The following ARHGAP35 variants were observed in gnomAD, a reference collection of about 807,000 sequenced individuals.
ARHGAP35 encodes Rho GTPase activating protein 35, also known as rho GTPase-activating protein 35.
Under a neutral mutation model 111.1 loss-of-function variants are expected in ARHGAP35, and 15 were observed. The observed-to-expected ratio is 0.13, with a 90% CI of 0.09 to 0.21. The LOEUF (loss-of-function observed/expected upper bound fraction) is 0.21. Ranked by LOEUF, ARHGAP35 falls within the 10% of genes least tolerant of loss-of-function variation. The pLI, the probability that ARHGAP35 is intolerant of heterozygous loss-of-function variation, is 1.00. For missense variants in ARHGAP35, 1,262 were observed against 1,873.0 expected, an observed-to-expected ratio of 0.67 and a Z score of 6.02; for synonymous variants, 643 against 710.3, an observed-to-expected ratio of 0.91 and a Z score of 1.51.
chr19:46,869,232 G>A (rs2055874750), intron 1 of ARHGAP35, among the ~76,000 whole-genome samples: 1 of 151,726 alleles, frequency 6.6e-6, no homozygotes, highest in South Asian at 2.1e-4. Context: ...GTAACTTTTT[G>A]CATTTTAAAA....
Position 46,909,308 on chromosome 19 carries a change from C to G in ARHGAP35, c.-188-9180C>G, listed in dbSNP as rs377191599. ...ACAGACTAAGACCATATTTAAAAAA[C>G]AAAAACAAAAAAACTTTAGGCCAGA... is the stretch of plus-strand genomic sequence containing the variant. On this transcript the variant is annotated intron_variant, in intron 1 of 6. Coordinates refer to ENST00000672722, the MANE Select transcript of ARHGAP35 (RefSeq NM_004491.5). Among the ~76,000 whole-genome samples the G allele has an allele frequency of 7.2e-5, 11 of 152,008 alleles. No individual in the cohort carries two copies. The South Asian group carries it at 2.3e-3, about 32-fold the overall frequency.
intron 1 of ARHGAP35, among the ~76,000 whole-genome samples, chr19:46,906,619 A>G (rs767027642): frequency 3.9e-5 from 6 of 152,168 alleles, no homozygotes; most frequent in Non-Finnish European, 7.4e-5. Flanking sequence ...CAGAAGCTCC[A>G]CTTTGTATTT....
At chr19:46,917,902 C>T (rs1373122020) in intron 1 of ARHGAP35, among the ~76,000 whole-genome samples, 1 of 152,006 alleles carries the variant, frequency 6.6e-6, no homozygotes, top group Non-Finnish European at 1.5e-5. Flanking sequence ...TTAGTACAGA[C>T]GGGGTTTCAC....
intron 3 of ARHGAP35, among the ~76,000 whole-genome samples, chr19:46,942,440 C>T (rs890167314): frequency 6.6e-6 from 1 of 151,998 alleles, no homozygotes; most frequent in African/African-American, 2.4e-5. Context: ...CCAGACCAGC[C>T]TGACCAACAT....
At chr19:46,962,101 G>T (rs573290930) in intron 3 of ARHGAP35, among the ~76,000 whole-genome samples, 2 of 152,184 alleles carry the variant, frequency 1.3e-5, no homozygotes, top group Non-Finnish European at 2.9e-5. Context: ...GTCTTGATCT[G>T]TGGGTGCTGT....
intron 1 of ARHGAP35, among the ~76,000 whole-genome samples, chr19:46,904,759 G>A (rs572282614): frequency 1.3e-5 from 2 of 152,306 alleles, no homozygotes; most frequent in South Asian, 2.1e-4. Context: ...GATTGCTCTC[G>A]GAATTCCCTT....
At position 46,921,503 on chromosome 19, in the gene ARHGAP35, A is replaced by G. The variant is rs768279905; in HGVS notation, c.2828A>G (p.Glu943Gly). The change falls in exon 2 of 7, where the codon GAA becomes GGA. Residue 943 changes from glutamate to glycine, a missense_variant. This residue lies in a region of ARHGAP35 where 579 missense variants were observed against 716.9 expected (regional missense o/e 0.81). Coordinates refer to ENST00000672722, the MANE Select transcript of ARHGAP35 (RefSeq NM_004491.5). The surrounding 1 kb of genome is among the most constrained non-coding windows in gnomAD (Gnocchi z 4.3). Reference protein sequence around the residue: ...IFHPFFKDVVEKKNIIEATHM... With the variant: ...IFHPFFKDVVGKKNIIEATHM... Reference sequence around the variant, plus strand: ...CACCCATTTTTTAAAGATGTGGTGGAAAAAAAGAACATAATCGAGGCTACT... The same window carrying G: ...CACCCATTTTTTAAAGATGTGGTGGGAAAAAAGAACATAATCGAGGCTACT... 11 of 1,613,864 alleles carry G rather than the reference A, an allele frequency of 6.8e-6. No individual in the cohort carries two copies. The highest frequency in any genetic ancestry group is 6.7e-5 in the African/African-American group (5 of 74,928).
At chr19:46,865,905 A>G (rs1194136868) in intron 1 of ARHGAP35, among the ~76,000 whole-genome samples, 1 of 152,088 alleles carries the variant, frequency 6.6e-6, no homozygotes, top group African/African-American at 2.4e-5. Flanking sequence ...CAATGGCGCA[A>G]TCTCAGCTCA....
At chr19:46,942,677 T>A (rs1232099777) in intron 3 of ARHGAP35, among the ~76,000 whole-genome samples, 1 of 151,608 alleles carries the variant, frequency 6.6e-6, no homozygotes, top group Non-Finnish European at 1.5e-5. Flanking sequence ...ATGCCAGGCA[T>A]AGTGGTGTGC....
chr19:46,994,269 C>T lies in ARHGAP35; in HGVS notation c.4036+4594C>T, dbSNP rs2056694908. Among the ~76,000 whole-genome samples the T allele has an allele frequency of 6.6e-6, 1 of 152,154 alleles. No individual in the cohort carries two copies. The highest frequency in any genetic ancestry group is 6.5e-5 in the Admixed American group (1 of 15,276). ...TGGCCAGTGTAGACACCTGGCCGGGCGGGCTACCTATTGAAGCTGGGGGTC... is the reference window on the plus strand; with the variant it reads ...TGGCCAGTGTAGACACCTGGCCGGGTGGGCTACCTATTGAAGCTGGGGGTC... On this transcript the variant is annotated intron_variant, in intron 5 of 6. Transcript: ENST00000672722. This position sits in a 1 kb window ranked among gnomAD's most constrained non-coding sequence, Gnocchi z 5.4.
intron 2 of ARHGAP35, among the ~76,000 whole-genome samples, chr19:46,934,770 G>GGCGATC (rs1298823132): frequency 6.6e-6 from 1 of 151,982 alleles, no homozygotes; most frequent in Admixed American, 6.6e-5. Context: ...CCTGGGCTCA[G>GGCGATC]GCGATCCTCC....
chr19:46,916,631 G>A (rs1038344138), intron 1 of ARHGAP35, among the ~76,000 whole-genome samples: 1 of 151,244 alleles, frequency 6.6e-6, no homozygotes, highest in East Asian at 2.0e-4. Flanking sequence ...AAACCATCTC[G>A]TATTTACACA....
At chr19:46,946,336 G>C (rs2056379390) in intron 3 of ARHGAP35, among the ~76,000 whole-genome samples, 1 of 152,168 alleles carries the variant, frequency 6.6e-6, no homozygotes. Flanking sequence ...CTGTCACTGT[G>C]GGGAGGACCT....
At chr19:46,877,270 AGTTAT>A (rs2055929740) in intron 1 of ARHGAP35, among the ~76,000 whole-genome samples, 2 of 117,982 alleles carry the variant, frequency 1.7e-5, no homozygotes, top group Admixed American at 8.5e-5. Flanking sequence ...AAAAAAAAAA[AGTTAT>A]GTTTTGGCTG....
intron 5 of ARHGAP35, among the ~76,000 whole-genome samples, chr19:46,998,238 G>A (rs1357237825): frequency 6.6e-6 from 1 of 152,082 alleles, no homozygotes; most frequent in East Asian, 1.9e-4. Flanking sequence ...AAAGGAGCCC[G>A]AGCCCCCGGG....
intron 1 of ARHGAP35, among the ~76,000 whole-genome samples, chr19:46,880,450 C>T (rs1242035072): frequency 6.6e-6 from 1 of 152,124 alleles, no homozygotes; most frequent in Non-Finnish European, 1.5e-5. Context: ...GAAGCAATTC[C>T]TCATCTGTTC....
rs774508559 is a variant in ARHGAP35 at position 46,922,174 on chromosome 19, C to T, written c.3499C>T (p.Arg1167Trp). 10 of 1,613,852 alleles carry T rather than the reference C, an allele frequency of 6.2e-6. No individual in the cohort carries two copies. The highest frequency in any genetic ancestry group is 1.1e-5 in the South Asian group (1 of 91,084). Reference protein sequence around the residue: ...LYRTRCTRLGRFASYRTSFSV... With the variant: ...LYRTRCTRLGWFASYRTSFSV... ...CAGGACGAGATGCACCCGGCTGGGG[C>T]GGTTTGCTAGTTACCGGACCAGCTT... is the stretch of plus-strand genomic sequence containing the variant. Residue 1167 changes from arginine to tryptophan, a missense_variant, in exon 2 of 7, where the codon CGG becomes TGG. Coordinates refer to ENST00000672722, the MANE Select transcript of ARHGAP35 (RefSeq NM_004491.5). This position sits in a 1 kb window ranked among gnomAD's most constrained non-coding sequence, Gnocchi z 4.0.
rs757186993 is a variant in ARHGAP35 at position 46,986,625 on chromosome 19, TAAC to T, written c.3827-1361_3827-1359del. On this transcript the variant is annotated intron_variant, in intron 3 of 6. Coordinates refer to ENST00000672722, the MANE Select transcript of ARHGAP35 (RefSeq NM_004491.5). The surrounding 1 kb of genome is among the most constrained non-coding windows in gnomAD (Gnocchi z 4.3). The stretch of plus-strand genomic sequence containing the variant: ...TCAGTAAACAAAATTAGAAGACAGA[TAAC>T]AAAAAGGAAAAATGTAAACATATAT... 9.9e-5 allele frequency among the ~76,000 whole-genome samples: 15 copies of T among 152,200 alleles called. 1 individual carries two copies. In the South Asian group the frequency reaches 2.9e-3, roughly 29 times the overall value.
Position 46,918,529 on chromosome 19 carries a change from T to G in ARHGAP35, c.-147T>G, listed in dbSNP as rs954597652. The stretch of plus-strand genomic sequence containing the variant: ...TTTGGCGATGAGAGGTGGTGAACAG[T>G]GACCATACTGGTATACAACACTATG... On this transcript the variant is annotated 5_prime_UTR_variant, in exon 2 of 7. It removes the in-frame stop codon of an upstream open reading frame in the 5' UTR. Transcript: ENST00000672722. This position sits in a 1 kb window ranked among gnomAD's most constrained non-coding sequence, Gnocchi z 5.4. The G allele has an allele frequency of 4.3e-6, 3 of 700,072 alleles. No homozygotes were observed. Among genetic ancestry groups the G allele is most frequent in the Middle Eastern group, 4.1e-4 (1 of 2,438 alleles). The allele number at this position is 700,072 out of a possible 1,614,324, so 43.4% of individuals were successfully genotyped here.
Sources: gnomAD v4.1 joint callset for allele counts (sites outside exome capture counted in the v4.1 genomes callset) on GRCh38, gnomAD v4.1.1 for gene constraint, gnomAD v4.1.1 regional missense constraint, Gnocchi (gnomAD v3.1) non-coding constraint, MANE v1.5 for transcripts, NCBI Gene and HGNC (gene_info 2026-07-23, HGNC 2026-07-21) for gene names.